MAP4K4: variants seen among roughly 807,000 people sequenced by gnomAD.
MAP4K4 encodes HPK/GCK-like kinase HGK.
MAP4K4 carries 38 observed loss-of-function variants against 189.6 expected under a neutral mutation model. The observed-to-expected ratio is 0.20, with a 90% CI of 0.15 to 0.26. MAP4K4 has a LOEUF of 0.26. MAP4K4 is among the 10% of genes least tolerant of loss of function. The pLI, the probability that MAP4K4 is intolerant of heterozygous loss-of-function variation, is 1.00. For missense variants in MAP4K4, 1,054 were observed against 1,726.9 expected, an observed-to-expected ratio of 0.61 and a Z score of 6.91; for synonymous variants, 610 against 624.3, an observed-to-expected ratio of 0.98 and a Z score of 0.34.
At chr2:101,850,053 T>C (rs1476628459) in intron 12 of MAP4K4, among the ~76,000 whole-genome samples, 1 of 152,160 alleles carries the variant, frequency 6.6e-6, no homozygotes, top group Non-Finnish European at 1.5e-5. Context: ...TTCAAAGCCT[T>C]TACCCCTGGA....
At chr2:101,763,623 C>A (rs1378282540) in intron 2 of MAP4K4, among the ~76,000 whole-genome samples, 1 of 152,150 alleles carries the variant, frequency 6.6e-6, no homozygotes, top group Non-Finnish European at 1.5e-5. Flanking sequence ...GCAACAATTT[C>A]CAGAAGGTTT....
At chr2:101,739,878 T>C (rs2061862279) in intron 2 of MAP4K4, among the ~76,000 whole-genome samples, 1 of 152,208 alleles carries the variant, frequency 6.6e-6, no homozygotes, top group Non-Finnish European at 1.5e-5. Context: ...GAGACGGACT[T>C]TATAAATCTT....
chr2:101,884,857 C>G (rs992013989), intron 28 of MAP4K4, among the ~76,000 whole-genome samples: 1 of 152,166 alleles, frequency 6.6e-6, no homozygotes, highest in Admixed American at 6.5e-5. Flanking sequence ...GCTGATTAAT[C>G]ATGTTGTTAC....
chr2:101,785,950 C>T (rs184547305), intron 2 of MAP4K4, among the ~76,000 whole-genome samples: 7 of 152,064 alleles, frequency 4.6e-5, no homozygotes, highest in East Asian at 3.9e-4. Flanking sequence ...TCAGCCTCCC[C>T]GAGTAGCTGG....
At chr2:101,775,614 AC>A (rs2083678390) in intron 2 of MAP4K4, among the ~76,000 whole-genome samples, 1 of 152,128 alleles carries the variant, frequency 6.6e-6, no homozygotes, top group South Asian at 2.1e-4. Context: ...GGGGGTGAGA[AC>A]TTAGAATCCA....
intron 7 of MAP4K4, 120 bp from the exon 8 acceptor site, chr2:101,834,289 T>G (rs2096679080): frequency 3.2e-6 from 2 of 627,558 alleles, no homozygotes; most frequent in Admixed American, 4.4e-5. Context: ...GCTTGTACTT[T>G]TAATTTTCTG....
At chr2:101,722,972 A>G (rs1465901169) in intron 2 of MAP4K4, among the ~76,000 whole-genome samples, 2 of 152,230 alleles carry the variant, frequency 1.3e-5, no homozygotes, top group Admixed American at 6.5e-5. Flanking sequence ...ATTGACTCAC[A>G]GTTCCACATG....
At chr2:101,867,267 A>T in exon 20 of MAP4K4, 1 of 1,607,784 alleles carries the variant, frequency 6.2e-7, no homozygotes. Context: ...CAGTGAAAAA[A>T]CCTGAAGATA....
At chr2:101,727,653 G>A (rs532395907) in intron 2 of MAP4K4, among the ~76,000 whole-genome samples, 3 of 152,310 alleles carry the variant, frequency 2.0e-5, no homozygotes, top group East Asian at 1.9e-4. Flanking sequence ...TAGCTCTCAT[G>A]TTAAAAACTG....
intron 2 of MAP4K4, among the ~76,000 whole-genome samples, chr2:101,741,108 CTT>C (rs1320724050): frequency 6.6e-6 from 1 of 151,170 alleles, no homozygotes; most frequent in African/African-American, 2.4e-5. Context: ...GTATTATAAA[CTT>C]TGAAATTTTG....
At chr2:101,829,572 T>A (rs1257948403) in exon 6 of MAP4K4, 2 of 1,610,556 alleles carry the variant, frequency 1.2e-6, no homozygotes, top group Non-Finnish European at 1.7e-6. Flanking sequence ...TGTTGCTGAC[T>A]GAGAATGCAG....
intron 3 of MAP4K4, among the ~76,000 whole-genome samples, chr2:101,796,694 A>T (rs1017324825): frequency 6.6e-6 from 1 of 152,174 alleles, no homozygotes; most frequent in African/African-American, 2.4e-5. Context: ...TTTAGTTTTA[A>T]GACTACAGTG....
chr2:101,793,536 G>T (rs1455575811), intron 3 of MAP4K4, among the ~76,000 whole-genome samples: 2 of 151,560 alleles, frequency 1.3e-5, no homozygotes, highest in African/African-American at 4.9e-5. Flanking sequence ...CTATTGGAGC[G>T]GGTTCTCTTG....
intron 31 of MAP4K4, 94 bp downstream of exon 31, chr2:101,888,031 A>G: frequency 8.7e-7 from 1 of 1,144,096 alleles, no homozygotes; most frequent in Non-Finnish European, 1.2e-6. Flanking sequence ...TGTCCTTCAG[A>G]CCTTTTGACT....
At chr2:101,872,863 A>G (rs2098088934) in intron 24 of MAP4K4, among the ~76,000 whole-genome samples, 1 of 152,114 alleles carries the variant, frequency 6.6e-6, no homozygotes, top group African/African-American at 2.4e-5. Flanking sequence ...TCTTCCTTAT[A>G]TTTATATTTT....
intron 3 of MAP4K4, among the ~76,000 whole-genome samples, chr2:101,821,618 G>C (rs1323796983): frequency 6.6e-6 from 1 of 152,220 alleles, no homozygotes; most frequent in African/African-American, 2.4e-5. Flanking sequence ...TGCTCTGGGT[G>C]AATCAGTGAG....
intron 3 of MAP4K4, among the ~76,000 whole-genome samples, chr2:101,798,763 T>G (rs1484486285): frequency 2.0e-5 from 3 of 152,192 alleles, no homozygotes; most frequent in Non-Finnish European, 4.4e-5. Context: ...TCCGTGCACT[T>G]GGAGAAAACA....
chr2:101,698,455 C>T lies in MAP4K4; in HGVS notation c.58-18C>T, dbSNP rs772200376. 1.2e-6 allele frequency: 2 copies of T among 1,608,068 alleles called. No individual in the cohort carries two copies. Among genetic ancestry groups the T allele is most frequent in the Non-Finnish European group, 8.5e-7 (1 of 1,174,594 alleles). Reference sequence around the variant, plus strand: ...TGGCTTCTTTTAAATGATAACCCCTCCCCTCCTTCCTCTCCAGGATCCTGC... The same window carrying T: ...TGGCTTCTTTTAAATGATAACCCCTTCCCTCCTTCCTCTCCAGGATCCTGC... On this transcript the variant is annotated intron_variant, in intron 1 of 32. Coordinates refer to ENST00000324219, the Ensembl canonical transcript of MAP4K4.
chr2:101,766,338 T>C (rs540918019), intron 2 of MAP4K4, among the ~76,000 whole-genome samples: 6 of 152,174 alleles, frequency 3.9e-5, no homozygotes, highest in Non-Finnish European at 8.8e-5. Flanking sequence ...TGTCACTGCT[T>C]TAGAAGTTAT....
Sources: allele counts gnomAD v4.1 joint callset (sites outside exome capture counted in the v4.1 genomes callset), GRCh38; gene constraint gnomAD v4.1.1; transcripts MANE v1.5; gene names NCBI Gene and HGNC (gene_info 2026-07-23, HGNC 2026-07-21).